Variants in NRF1 observed in about 807,000 individuals in gnomAD.
The protein encoded by NRF1 is nuclear respiratory factor 1, also known as alpha palindromic-binding protein.
Under a neutral mutation model 58.5 loss-of-function variants are expected in NRF1, and 5 were observed. That is an observed-to-expected ratio of 0.09 (90% confidence interval 0.04 to 0.18). The LOEUF is 0.18. Among genes scored for constraint, NRF1 ranks in the 10% least tolerant of loss-of-function variants. NRF1 has a pLI of 1.00. For synonymous variants in NRF1, 224 were observed against 246.7 expected (o/e 0.91, Z 0.86); for missense variants, 288 against 657.7 (o/e 0.44, Z 6.15).
chr7:129,739,615 G>A (rs1404571932), intron 10 of NRF1, among the ~76,000 whole-genome samples: 4 of 152,072 alleles, frequency 2.6e-5, no homozygotes, highest in African/African-American at 9.6e-5. Flanking sequence ...GGAGGGTTGC[G>A]AGGAGAACTG....
intron 3 of NRF1, among the ~76,000 whole-genome samples, chr7:129,673,288 G>C (rs1309184748): frequency 6.6e-6 from 1 of 152,130 alleles, no homozygotes; most frequent in Admixed American, 6.5e-5. Context: ...ATTGTTTCAA[G>C]GAATTCCATC....
At chr7:129,613,223 A>C (rs1800581609) in intron 1 of NRF1, among the ~76,000 whole-genome samples, 1 of 152,110 alleles carries the variant, frequency 6.6e-6, no homozygotes, top group African/African-American at 2.4e-5. Context: ...CTTTTAAAAA[A>C]TTATTTTTCC....
chr7:129,744,990 TAA>T (rs1803939418), intron 10 of NRF1, among the ~76,000 whole-genome samples: 1 of 147,528 alleles, frequency 6.8e-6, no homozygotes, highest in Non-Finnish European at 1.5e-5. Context: ...TTTTCCATCA[TAA>T]AAAGTTTGAA....
At chr7:129,634,041 A>ATAT (rs1554403123) in intron 1 of NRF1, among the ~76,000 whole-genome samples, 68 of 113,780 alleles carry the variant, frequency 6.0e-4, no homozygotes, top group African/African-American at 2.4e-3. Flanking sequence ...AAAAAAAAAA[A>ATAT]AGATATATAT....
chr7:129,626,850 A>T (rs1800930636), intron 1 of NRF1, among the ~76,000 whole-genome samples: 1 of 152,256 alleles, frequency 6.6e-6, no homozygotes, highest in African/African-American at 2.4e-5. Context: ...TGCTTCTGTC[A>T]AGTGTGAGAT....
intron 10 of NRF1, among the ~76,000 whole-genome samples, chr7:129,753,867 C>T (rs533622763): frequency 1.1e-4 from 17 of 152,018 alleles, no homozygotes; most frequent in Non-Finnish European, 2.4e-4. Flanking sequence ...GGCACATAGA[C>T]GGAGCAGTGG....
intron 1 of NRF1, among the ~76,000 whole-genome samples, chr7:129,619,421 T>TACACACAC (rs1167995584): frequency 4.2e-5 from 4 of 95,798 alleles, no homozygotes; most frequent in African/African-American, 2.3e-4. Flanking sequence ...TATATATATA[T>TACACACAC]ATATATATAT....
chr7:129,657,604 T>G, intron 2 of NRF1, 30 bp downstream of exon 2: 1 of 1,413,122 alleles, frequency 7.1e-7, no homozygotes, highest in Non-Finnish European at 9.6e-7. Context: ...AAGCTCTTCT[T>G]TAATTTTTTT....
intron 1 of NRF1, among the ~76,000 whole-genome samples, chr7:129,625,911 C>T (rs956599236): frequency 3.3e-5 from 5 of 151,890 alleles, no homozygotes; most frequent in Admixed American, 6.6e-5. Flanking sequence ...CTTGATTTTC[C>T]GACCTTGTGA....
intron 4 of NRF1, among the ~76,000 whole-genome samples, chr7:129,679,983 A>G (rs933754003): frequency 2.6e-5 from 4 of 151,766 alleles, no homozygotes; most frequent in South Asian, 2.1e-4. Flanking sequence ...TCTTGAACCC[A>G]GGAGGCAGAG....
At chr7:129,664,776 C>T (rs1055281289) in intron 2 of NRF1, among the ~76,000 whole-genome samples, 2 of 152,182 alleles carry the variant, frequency 1.3e-5, no homozygotes, top group Non-Finnish European at 2.9e-5. Flanking sequence ...AAATGACTTC[C>T]ATTTGATCAT....
At chr7:129,631,967 A>G (rs1801058935) in intron 1 of NRF1, among the ~76,000 whole-genome samples, 1 of 152,118 alleles carries the variant, frequency 6.6e-6, no homozygotes, top group Non-Finnish European at 1.5e-5. Context: ...ACTGCTTTAA[A>G]TTTCTCAAAA....
rs139800016 is a variant in NRF1, at chr7:129,744,874, G to A, written c.1349-10144G>A. On this transcript the variant is annotated intron_variant, in intron 10 of 10. Coordinates refer to ENST00000393232, the MANE Select transcript of NRF1 (RefSeq NM_005011.5). ...AAAAGTCACGAGTACATCTTTGGAA[G>A]CTTCCTTGCCTCAGCGTATCCCTGC... Among the ~76,000 whole-genome samples the A allele has an allele frequency of 7.8e-3, 1,186 of 152,140 alleles. 8 individuals carry two copies. The highest frequency in any genetic ancestry group is 0.014 in the Middle Eastern group (4 of 294).
At chr7:129,737,847 T>G (rs983495831) in intron 10 of NRF1, among the ~76,000 whole-genome samples, 2 of 152,262 alleles carry the variant, frequency 1.3e-5, no homozygotes, top group Admixed American at 6.5e-5. Context: ...TCTATGACAC[T>G]GTGATACTAT....
chr7:129,684,025 G>GAA, intron 4 of NRF1, among the ~76,000 whole-genome samples: 1 of 151,998 alleles, frequency 6.6e-6, no homozygotes, highest in Non-Finnish European at 1.5e-5. Flanking sequence ...ATCTAAACTG[G>GAA]TATTCAAAGG....
At position 129,738,784 on chromosome 7, in the gene NRF1, A is replaced by G. The variant is rs148473457; in HGVS notation, c.1348+11419A>G. Among the ~76,000 whole-genome samples, 154 of 152,332 alleles carry G rather than the reference A, an allele frequency of 1.0e-3. 1 individual carries two copies. The South Asian group carries it at 0.012, about 12-fold the overall frequency. ...TTCTGAGCCCTGTTCAGAAGCAGCT[A>G]AAACCGGGACTTGCCCAGGATCTGT... On this transcript the variant is annotated intron_variant, in intron 10 of 10. Coordinates refer to ENST00000393232, the MANE Select transcript of NRF1 (RefSeq NM_005011.5).
At chr7:129,744,721 C>CT in intron 10 of NRF1, among the ~76,000 whole-genome samples, 1 of 152,304 alleles carries the variant, frequency 6.6e-6, no homozygotes, top group South Asian at 2.1e-4. Context: ...TACTGATCTG[C>CT]TTTTTTCAGG....
intron 5 of NRF1, among the ~76,000 whole-genome samples, chr7:129,704,806 G>A (rs902841183): frequency 6.6e-6 from 1 of 152,180 alleles, no homozygotes; most frequent in African/African-American, 2.4e-5. Flanking sequence ...TGTGACACTT[G>A]AAACATTCCA....
chr7:129,684,916 C>G (rs1026505550), intron 4 of NRF1, among the ~76,000 whole-genome samples: 1 of 152,166 alleles, frequency 6.6e-6, no homozygotes, highest in African/African-American at 2.4e-5. Context: ...GAGCCCTGAA[C>G]TGAGGCAGGA....
Sources: allele counts gnomAD v4.1 joint callset (sites outside exome capture counted in the v4.1 genomes callset), GRCh38; gene constraint gnomAD v4.1.1; transcripts MANE v1.5; gene names NCBI Gene and HGNC (gene_info 2026-07-23, HGNC 2026-07-21).